Variants in ARIH1 observed in about 807,000 individuals in gnomAD.
The protein encoded by ARIH1 is ariadne RBR E3 ubiquitin protein ligase 1.
In ARIH1, 8 loss-of-function variants were observed where a neutral mutation model predicts 85.0. That is an observed-to-expected ratio of 0.09 (90% CI 0.06 to 0.17). The LOEUF (loss-of-function observed/expected upper bound fraction) is 0.17. Among genes scored for constraint, ARIH1 ranks in the 10% least tolerant of loss-of-function variants. ARIH1 has a pLI of 1.00. For missense variants in ARIH1, 311 were observed against 718.1 expected, an observed-to-expected ratio of 0.43 and a Z score of 6.48; for synonymous variants, 238 against 253.6, an observed-to-expected ratio of 0.94 and a Z score of 0.59.
chr15:72,571,102 C>G (rs971251270), intron 10 of ARIH1, among the ~76,000 whole-genome samples: 1 of 139,770 alleles, frequency 7.2e-6, no homozygotes, highest in African/African-American at 2.7e-5. Flanking sequence ...GCACTCCAGC[C>G]TGGGCAACAA....
At chr15:72,488,286 A>G (rs1012587046) in intron 1 of ARIH1, among the ~76,000 whole-genome samples, 4 of 152,044 alleles carry the variant, frequency 2.6e-5, no homozygotes, top group African/African-American at 9.7e-5. Flanking sequence ...CATGTTGCCT[A>G]GACTGGTCTC....
chr15:72,556,500 C>T (rs2064175178), intron 5 of ARIH1, among the ~76,000 whole-genome samples: 1 of 152,226 alleles, frequency 6.6e-6, no homozygotes, highest in Non-Finnish European at 1.5e-5. Flanking sequence ...TGAAACACTG[C>T]TGCTGATTTC....
In ARIH1 at chr15:72,474,470, A is replaced by C. The variant is rs917255707; in HGVS notation, c.-170A>C. ...CCTCCTCCGCGCCCTCCCCGCCGCC[A>C]CCAGCCGTCAAACGCCAACCGCCGC... On this transcript the variant is annotated 5_prime_UTR_variant, in exon 1 of 14. Coordinates refer to ENST00000379887, the MANE Select transcript of ARIH1 (RefSeq NM_005744.5). The C allele has an allele frequency of 2.4e-6, 2 of 844,388 alleles. No individual in the cohort carries two copies. The highest frequency in any genetic ancestry group is 3.4e-6 in the Non-Finnish European group (2 of 579,826). The allele number at this position is 844,388 out of a possible 1,614,324, so 52.3% of individuals were successfully genotyped here. A position where few individuals can be genotyped will look rare whatever the true frequency, so the allele number is the denominator to read the frequency against.
chr15:72,551,584 A>G (rs1335281597), intron 3 of ARIH1, among the ~76,000 whole-genome samples: 1 of 152,236 alleles, frequency 6.6e-6, no homozygotes, highest in African/African-American at 2.4e-5. Flanking sequence ...GCCATATGGA[A>G]TAGAAACTTA....
chr15:72,526,429 T>G lies in ARIH1; in HGVS notation c.443+8295T>G, dbSNP rs141627499. Among the ~76,000 whole-genome samples, 25 of 152,328 alleles carry G rather than the reference T, an allele frequency of 1.6e-4. 1 individual carries two copies. The East Asian group carries it at 4.8e-3, about 29-fold the overall frequency. On this transcript the variant is annotated intron_variant, in intron 2 of 13. Coordinates refer to ENST00000379887, the MANE Select transcript of ARIH1 (RefSeq NM_005744.5). ...CCCTAAAAATGAATGTGATTTTTTC[T>G]TTTTAAAAATATATTTTGAGGCAGG... is the stretch of plus-strand genomic sequence containing the variant.
Position 72,474,847 on chromosome 15 carries a change from G to GGCGGCA in ARIH1, c.212_217dup (p.Gly71_Ser72dup). On this transcript the variant is annotated inframe_insertion, in exon 1 of 14. Transcript: ENST00000379887. The stretch of plus-strand genomic sequence containing the variant: ...GCTGTGCGGGGAGACGGGCGGTGGC[G>GGCGGCA]GCGGCAGCGCTCTGGGGCCCGGCGG... 1 of 1,373,624 alleles carries GGCGGCA rather than the reference G, an allele frequency of 7.3e-7. No individual in the cohort carries two copies. Among genetic ancestry groups the GGCGGCA allele is most frequent in the Non-Finnish European group, 9.4e-7 (1 of 1,064,906 alleles). 85.1% of individuals were successfully genotyped at this position (1,373,624 alleles called of 1,614,324 possible).
chr15:72,554,865 C>T (rs1453153936), intron 3 of ARIH1, among the ~76,000 whole-genome samples: 1 of 152,014 alleles, frequency 6.6e-6, no homozygotes, highest in Non-Finnish European at 1.5e-5. Flanking sequence ...GCAGTCCTTC[C>T]ACCTCAGCCT....
chr15:72,509,688 A>G (rs1326071284), intron 1 of ARIH1, among the ~76,000 whole-genome samples: 1 of 152,036 alleles, frequency 6.6e-6, no homozygotes, highest in Non-Finnish European at 1.5e-5. Flanking sequence ...TACTGGACTC[A>G]AGGGATCCTA....
intron 11 of ARIH1, 102 bp from the exon 12 acceptor site, chr15:72,580,628 CA>C: frequency 9.3e-7 from 1 of 1,069,580 alleles, no homozygotes; most frequent in Non-Finnish European, 1.3e-6. Flanking sequence ...ACCATTCTAA[CA>C]GGTGTGAAGT....
At position 72,596,477 on chromosome 15, in the gene ARIH1, T is replaced by G. The variant is rs1413987388; in HGVS notation, c.*13185T>G. The G allele has an allele frequency of 6.6e-6, 1 of 152,204 alleles. No homozygotes were observed. The highest frequency in any genetic ancestry group is 1.5e-5 in the Non-Finnish European group (1 of 68,042). The allele number at this position is 152,204 out of a possible 1,614,324, so 9.4% of individuals were successfully genotyped here. On this transcript the variant is annotated 3_prime_UTR_variant, in exon 14 of 14. Transcript: ENST00000379887. ...ACTGAACTTCTTGGATCTGTGTTGA[T>G]GTCTTTCATTAATATTGGTTCTTTC...
chr15:72,493,243 A>G (rs1201694730), intron 1 of ARIH1, among the ~76,000 whole-genome samples: 2 of 152,184 alleles, frequency 1.3e-5, no homozygotes, highest in East Asian at 1.9e-4. Context: ...TAGCAGTGCA[A>G]TAACCTAATC....
chr15:72,578,065 C>G (rs191928681), intron 11 of ARIH1, among the ~76,000 whole-genome samples: 18 of 152,288 alleles, frequency 1.2e-4, no homozygotes, highest in Admixed American at 3.3e-4. Flanking sequence ...TCTTCCTCAT[C>G]ATCTGGCACT....
At position 72,474,538 on chromosome 15, in the gene ARIH1, G is replaced by C; in HGVS notation, c.-102G>C. 4 of 1,386,580 alleles carry C rather than the reference G, an allele frequency of 2.9e-6. No homozygotes were observed. The highest frequency in any genetic ancestry group is 2.8e-6 in the Non-Finnish European group (3 of 1,059,712). 85.9% of individuals were successfully genotyped at this position (1,386,580 alleles called of 1,614,324 possible). ...GGCTCGCGGGGCCGGAGCCAGGCCT[G>C]CGTCCGGACATCAGCCGGAGCCGGA... is the stretch of plus-strand genomic sequence containing the variant. On this transcript the variant is annotated 5_prime_UTR_variant, in exon 1 of 14. Transcript: ENST00000379887.
chr15:72,518,064 T>C lies in ARIH1; in HGVS notation c.376-3T>C. 2 of 1,606,578 alleles carry C rather than the reference T, an allele frequency of 1.2e-6. No homozygotes were observed. The highest frequency in any genetic ancestry group is 1.7e-6 in the Non-Finnish European group (2 of 1,174,926). On this transcript the variant is annotated splice_polypyrimidine_tract_variant and splice_region_variant and intron_variant, in intron 1 of 13. Transcript: ENST00000379887. ...AATGACTTTTTTTCCCCTCCTTCTT[T>C]AGAATCCAGCAACTATCACAAGAAT...
intron 11 of ARIH1, among the ~76,000 whole-genome samples, chr15:72,575,368 A>G (rs1441559730): frequency 6.6e-6 from 1 of 151,890 alleles, no homozygotes; most frequent in East Asian, 1.9e-4. Context: ...TGAGTGCGGG[A>G]GTTTGAGATC....
At chr15:72,526,304 G>C (rs1358548032) in intron 2 of ARIH1, among the ~76,000 whole-genome samples, 1 of 152,064 alleles carries the variant, frequency 6.6e-6, no homozygotes, top group Non-Finnish European at 1.5e-5. Context: ...AGGTGCCCAT[G>C]GTCCCCTGAG....
chr15:72,581,134 G>T, intron 12 of ARIH1, 143 bp downstream of exon 12: 1 of 917,850 alleles, frequency 1.1e-6, no homozygotes. Flanking sequence ...AAAGATACAA[G>T]AAATTTCTAT....
chr15:72,540,552 G>A (rs955361530), intron 2 of ARIH1, among the ~76,000 whole-genome samples: 1 of 151,948 alleles, frequency 6.6e-6, no homozygotes, highest in African/African-American at 2.4e-5. Context: ...AGATTTCTGG[G>A]CCTACTACCC....
chr15:72,515,739 T>G (rs1352463080), intron 1 of ARIH1, among the ~76,000 whole-genome samples: 5 of 152,242 alleles, frequency 3.3e-5, no homozygotes, highest in Non-Finnish European at 7.3e-5. Flanking sequence ...ACTTGAGCAG[T>G]GATTTATATC....
Sources: gnomAD v4.1 joint callset for allele counts (sites outside exome capture counted in the v4.1 genomes callset) on GRCh38, gnomAD v4.1.1 for gene constraint, MANE v1.5 for transcripts, NCBI Gene and HGNC (gene_info 2026-07-23, HGNC 2026-07-21) for gene names.